Variants in FHAD1 observed in about 807,000 individuals in gnomAD.
FHAD1 encodes forkhead-associated domain-containing protein 1.
A neutral mutation model predicts 191.3 loss-of-function variants in FHAD1; 146 were observed. That is an observed-to-expected ratio of 0.76 (90% CI 0.67 to 0.88). FHAD1 has a LOEUF of 0.88. Among genes scored for constraint, FHAD1 ranks in the 40% least tolerant of loss-of-function variants. FHAD1 has a pLI of 0.00. For synonymous variants in FHAD1, 616 were observed against 672.3 expected (o/e 0.92, Z 1.29); for missense variants, 1,635 against 1,785.8 (o/e 0.92, Z 1.52).
At chr1:15,286,659 CT>C (rs1354188542) in intron 3 of FHAD1, among the ~76,000 whole-genome samples, 1 of 152,236 alleles carries the variant, frequency 6.6e-6, no homozygotes, top group Non-Finnish European at 1.5e-5. Flanking sequence ...TGCCCCACCC[CT>C]GGCCAATCAC....
chr1:15,324,022 G>A (rs1163232952), intron 10 of FHAD1, among the ~76,000 whole-genome samples: 1 of 152,186 alleles, frequency 6.6e-6, no homozygotes, highest in African/African-American at 2.4e-5. Context: ...CCTGTTCTAG[G>A]TCACAACATC....
chr1:15,383,077 G>A, intron 31 of FHAD1: 2 of 471,562 alleles, frequency 4.2e-6, no homozygotes, highest in South Asian at 1.5e-5. Flanking sequence ...GCCGGTCCTG[G>A]GCTCAAATCC....
intron 5 of FHAD1, among the ~76,000 whole-genome samples, chr1:15,297,084 C>G (rs992887942): frequency 1.3e-5 from 2 of 152,200 alleles, no homozygotes; most frequent in African/African-American, 4.8e-5. Context: ...CATCACTTAA[C>G]AATGAGGAAA....
intron 11 of FHAD1, 197 bp downstream of exon 11, chr1:15,324,756 G>C (rs901360468): frequency 1.7e-6 from 1 of 587,838 alleles, no homozygotes; most frequent in Non-Finnish European, 3.0e-6. Flanking sequence ...CTGCTGCTGG[G>C]AGGCCTCCCA....
rs1272453501 is a variant in FHAD1, at chr1:15,349,121, T to C, written c.2426T>C (p.Leu809Pro). 5.8e-6 allele frequency: 9 copies of C among 1,551,392 alleles called. No homozygotes were observed. The highest frequency in any genetic ancestry group is 7.0e-6 in the Non-Finnish European group (8 of 1,146,898). The change falls in exon 19 of 34, where the codon CTG becomes CCG. Residue 809 changes from leucine to proline, a missense_variant. Transcript: ENST00000688493. ...TCGGAAAAGAGAAAAGTTCAGGATC[T>C]GGAGAACCATTTAACCCAACAGAAG... ...LESEKRKVQD[L>P]ENHLTQQKEI...
intron 23 of FHAD1, 127 bp from the exon 24 acceptor site, chr1:15,365,700 G>A: frequency 1.9e-6 from 1 of 536,820 alleles, no homozygotes; most frequent in South Asian, 2.1e-5. Context: ...CTCATCCTTT[G>A]CTGGGACTGG....
intron 10 of FHAD1, among the ~76,000 whole-genome samples, chr1:15,322,032 A>C (rs1227730225): frequency 2.0e-5 from 3 of 152,108 alleles, no homozygotes; most frequent in African/African-American, 7.3e-5. Flanking sequence ...CCATTGTATA[A>C]TCTTTTTGTA....
intron 2 of FHAD1, among the ~76,000 whole-genome samples, chr1:15,263,788 T>A (rs1235407794): frequency 6.6e-6 from 1 of 152,258 alleles, no homozygotes; most frequent in African/African-American, 2.4e-5. Context: ...CCCAAAGTGC[T>A]GGGATTACAG....
At chr1:15,275,130 T>A (rs1228496123) in intron 3 of FHAD1, among the ~76,000 whole-genome samples, 1 of 151,998 alleles carries the variant, frequency 6.6e-6, no homozygotes, top group African/African-American at 2.4e-5. Context: ...GCCTGGCTAA[T>A]TTTTTGTATT....
chr1:15,397,020 T>TAAAAAA (rs5772637), intron 33 of FHAD1, among the ~76,000 whole-genome samples: 2 of 115,920 alleles, frequency 1.7e-5, no homozygotes, highest in African/African-American at 6.6e-5. Context: ...CCGTCTCTAC[T>TAAAAAA]AAAAAAAAAA....
At chr1:15,319,128 C>G (rs554261294) in intron 10 of FHAD1, among the ~76,000 whole-genome samples, 1 of 152,226 alleles carries the variant, frequency 6.6e-6, no homozygotes, top group South Asian at 2.1e-4. Context: ...CCACGCCCAA[C>G]CACAACTGAG....
intron 7 of FHAD1, among the ~76,000 whole-genome samples, chr1:15,309,241 T>A (rs1271104107): frequency 6.6e-6 from 1 of 152,226 alleles, no homozygotes; most frequent in Non-Finnish European, 1.5e-5. Flanking sequence ...GGCAGCCAAC[T>A]CATGGCCCAC....
chr1:15,380,522 G>T (rs1380435032), intron 28 of FHAD1, among the ~76,000 whole-genome samples, 179 bp from the exon 29 acceptor site: 1 of 152,196 alleles, frequency 6.6e-6, no homozygotes, highest in Non-Finnish European at 1.5e-5. Context: ...TTCTCTGAAG[G>T]GTGGGAATAC....
At chr1:15,379,748 A>C (rs1355878171) in intron 28 of FHAD1, among the ~76,000 whole-genome samples, 3 of 152,222 alleles carry the variant, frequency 2.0e-5, no homozygotes, top group Non-Finnish European at 2.9e-5. Flanking sequence ...CTTAAGGAGC[A>C]TGCTGCCTTC....
chr1:15,279,696 C>T (rs1659857010), intron 3 of FHAD1, among the ~76,000 whole-genome samples: 2 of 152,082 alleles, frequency 1.3e-5, no homozygotes, highest in Admixed American at 6.5e-5. Flanking sequence ...AAAGAGCAAG[C>T]GTCTTCATTG....
intron 14 of FHAD1, chr1:15,335,371 CA>C (rs1393542839): frequency 2.0e-5 from 3 of 152,102 alleles, no homozygotes; most frequent in African/African-American, 4.8e-5. Flanking sequence ...GACTTTGTTA[CA>C]AATAAAAGAC....
chr1:15,261,160 T>C (rs1650855550), intron 2 of FHAD1, among the ~76,000 whole-genome samples: 1 of 152,214 alleles, frequency 6.6e-6, no homozygotes, highest in African/African-American at 2.4e-5. Flanking sequence ...TTTGCACTTT[T>C]GTGTGTATTA....
At chr1:15,240,175 G>A (rs187020505) in intron 1 of FHAD1, among the ~76,000 whole-genome samples, 25 of 152,332 alleles carry the variant, frequency 1.6e-4, no homozygotes, top group African/African-American at 5.8e-4. Context: ...CGCAGACTCT[G>A]TCTACTGACT....
At chr1:15,370,051 C>A (rs1334969708) in intron 26 of FHAD1, among the ~76,000 whole-genome samples, 1 of 152,236 alleles carries the variant, frequency 6.6e-6, no homozygotes, top group Non-Finnish European at 1.5e-5. Flanking sequence ...CACAACTTCA[C>A]TGCAGCCTCA....
Sources: allele counts gnomAD v4.1 joint callset (sites outside exome capture counted in the v4.1 genomes callset), GRCh38; gene constraint gnomAD v4.1.1; transcripts MANE v1.5; gene names NCBI Gene and HGNC (gene_info 2026-07-23, HGNC 2026-07-21).